The following CHSY3 variants were observed in gnomAD, a reference collection of about 807,000 sequenced individuals.
The protein encoded by CHSY3 is chondroitin sulfate synthase 3.
Under a neutral mutation model 67.2 loss-of-function variants are expected in CHSY3, and 35 were observed. That is an observed-to-expected ratio of 0.52 (90% CI 0.40 to 0.69). CHSY3 has a LOEUF of 0.69. Among genes scored for constraint, CHSY3 ranks in the 30% least tolerant of loss-of-function variants. CHSY3 has a pLI of 0.00. For synonymous variants in CHSY3, 474 were observed against 434.7 expected (o/e 1.09, Z -1.12); for missense variants, 1,069 against 1,138.5 (o/e 0.94, Z 0.88).
chr5:129,912,264 G>GA (rs892184611), intron 2 of CHSY3, among the ~76,000 whole-genome samples: 22 of 152,086 alleles, frequency 1.4e-4, no homozygotes, highest in African/African-American at 4.6e-4. Context: ...TCTACATAAG[G>GA]AAAAAAATTA....
intron 2 of CHSY3, among the ~76,000 whole-genome samples, chr5:130,039,256 G>A (rs948502362): frequency 6.6e-6 from 1 of 151,984 alleles, no homozygotes; most frequent in Non-Finnish European, 1.5e-5. Context: ...GGAGACCAAG[G>A]CACGAGGATT....
chr5:130,121,079 G>C (rs1293863055), intron 2 of CHSY3, among the ~76,000 whole-genome samples: 2 of 152,290 alleles, frequency 1.3e-5, no homozygotes, highest in Non-Finnish European at 2.9e-5. Context: ...TCCTGTGATA[G>C]ACTGTAAATC....
At chr5:130,075,687 TG>T (rs1215909151) in intron 2 of CHSY3, among the ~76,000 whole-genome samples, 1 of 152,096 alleles carries the variant, frequency 6.6e-6, no homozygotes, top group Non-Finnish European at 1.5e-5. Context: ...AAGCTCTGAG[TG>T]CCTTAGGGAA....
chr5:129,969,585 G>A (rs1393771566), intron 2 of CHSY3, among the ~76,000 whole-genome samples: 1 of 151,718 alleles, frequency 6.6e-6, no homozygotes, highest in Non-Finnish European at 1.5e-5. Context: ...TTTTCATGAA[G>A]AATTTAATTC....
chr5:130,030,972 T>G (rs1190761559), intron 2 of CHSY3, among the ~76,000 whole-genome samples: 4 of 152,122 alleles, frequency 2.6e-5, no homozygotes, highest in African/African-American at 9.7e-5. Context: ...TTTACTTTTT[T>G]TAATTTTAAT....
intron 2 of CHSY3, among the ~76,000 whole-genome samples, chr5:130,043,005 C>A (rs941834316): frequency 4.0e-5 from 6 of 151,898 alleles, no homozygotes; most frequent in African/African-American, 1.5e-4. Context: ...AGATAGTTAT[C>A]CTAAAGCTGG....
At chr5:129,948,188 T>G (rs1761917447) in intron 2 of CHSY3, among the ~76,000 whole-genome samples, 1 of 152,304 alleles carries the variant, frequency 6.6e-6, no homozygotes, top group South Asian at 2.1e-4. Flanking sequence ...TTTTTATTTA[T>G]TTTTTTATTT....
intron 2 of CHSY3, among the ~76,000 whole-genome samples, chr5:129,946,055 A>C (rs1230471948): frequency 6.6e-6 from 1 of 152,198 alleles, no homozygotes. Context: ...GCACAGAAGC[A>C]CAACTGCACT....
At chr5:130,081,256 G>A (rs62391441) in intron 2 of CHSY3, among the ~76,000 whole-genome samples, 8,442 of 151,468 alleles carry the variant, frequency 0.056, 348 homozygotes, top group Non-Finnish European at 0.082. Flanking sequence ...GGGGCTTCAA[G>A]AGAACAGCTT....
intron 2 of CHSY3, among the ~76,000 whole-genome samples, chr5:130,180,490 T>G (rs752502077): frequency 2.0e-5 from 3 of 152,308 alleles, no homozygotes; most frequent in Middle Eastern, 3.4e-3. Flanking sequence ...AAAAGTTACC[T>G]TGTGCCTATT....
chr5:129,950,095 G>A (rs1427623582), intron 2 of CHSY3, among the ~76,000 whole-genome samples: 1 of 151,108 alleles, frequency 6.6e-6, no homozygotes, highest in African/African-American at 2.4e-5. Flanking sequence ...TTGAACCCAG[G>A]AGGCAGAGGT....
chr5:130,174,257 G>C (rs561701349), intron 2 of CHSY3, among the ~76,000 whole-genome samples: 25 of 150,990 alleles, frequency 1.7e-4, no homozygotes, highest in Non-Finnish European at 3.0e-4. Context: ...TCTAAGAAGA[G>C]ATACAAACAG....
intron 2 of CHSY3, among the ~76,000 whole-genome samples, chr5:130,173,165 G>A (rs1172629361): frequency 6.6e-6 from 1 of 151,856 alleles, no homozygotes. Flanking sequence ...CAAAAATTAC[G>A]TCTATAGCCT....
chr5:130,021,744 G>C (rs558353731), intron 2 of CHSY3, among the ~76,000 whole-genome samples: 78 of 152,102 alleles, frequency 5.1e-4, no homozygotes, highest in African/African-American at 1.9e-3. Flanking sequence ...ATGTAAATTC[G>C]CATGTGTGAT....
chr5:130,109,312 C>A (rs1031505462), intron 2 of CHSY3, among the ~76,000 whole-genome samples: 15 of 151,554 alleles, frequency 9.9e-5, no homozygotes, highest in African/African-American at 3.6e-4. Context: ...ACTAGAGAAG[C>A]ACAAAAATGC....
chr5:129,939,043 T>A (rs1372414753), intron 2 of CHSY3, among the ~76,000 whole-genome samples: 1 of 152,232 alleles, frequency 6.6e-6, no homozygotes, highest in Non-Finnish European at 1.5e-5. Flanking sequence ...GGCTCACAGT[T>A]CTGCTGGCTG....
intron 2 of CHSY3, among the ~76,000 whole-genome samples, chr5:129,911,511 T>C (rs1050586103): frequency 1.5e-4 from 23 of 152,200 alleles, no homozygotes; most frequent in African/African-American, 5.5e-4. Flanking sequence ...CTTAATGTAG[T>C]GTCTGTCACA....
intron 2 of CHSY3, among the ~76,000 whole-genome samples, chr5:129,931,972 T>C (rs1761323189): frequency 6.6e-6 from 1 of 151,958 alleles, no homozygotes. Flanking sequence ...GCTAATCTAC[T>C]CTGCTAGTTA....
chr5:130,128,253 T>TGTGTGCGC (rs760472284), intron 2 of CHSY3, among the ~76,000 whole-genome samples: 212 of 151,030 alleles, frequency 1.4e-3, no homozygotes, highest in African/African-American at 4.7e-3. Flanking sequence ...TGTGTGTGTG[T>TGTGTGCGC]GCGCTCACAT....
Sources: gnomAD v4.1 joint callset for allele counts (sites outside exome capture counted in the v4.1 genomes callset) on GRCh38, gnomAD v4.1.1 for gene constraint, MANE v1.5 for transcripts, NCBI Gene and HGNC (gene_info 2026-07-23, HGNC 2026-07-21) for gene names.